Variants in CADM2 observed in about 807,000 individuals in gnomAD.
The protein encoded by CADM2 is cell adhesion molecule 2.
A neutral mutation model predicts 49.8 loss-of-function variants in CADM2; 12 were observed. That is an observed-to-expected ratio of 0.24 (90% CI 0.15 to 0.39). The LOEUF (loss-of-function observed/expected upper bound fraction) is 0.39, where lower values mean the gene tolerates loss of function less well. Among genes scored for constraint, CADM2 ranks in the 10% least tolerant of loss-of-function variants. CADM2 has a pLI of 1.00. For missense variants in CADM2, 378 were observed against 492.3 expected (o/e 0.77, Z 2.20); for synonymous variants, 214 against 175.4 (o/e 1.22, Z -1.74).
At chr3:85,960,595 T>C (rs1439058465) in intron 7 of CADM2, among the ~76,000 whole-genome samples, 1 of 151,992 alleles carries the variant, frequency 6.6e-6, no homozygotes, top group East Asian at 1.9e-4. Flanking sequence ...AAAATAAATG[T>C]AAATTACCTA....
intron 1 of CADM2, among the ~76,000 whole-genome samples, chr3:85,374,832 A>G (rs777480044): frequency 6.6e-6 from 1 of 152,080 alleles, no homozygotes; most frequent in Non-Finnish European, 1.5e-5. Context: ...CAATGATTCA[A>G]TTGTCTCCCA....
chr3:85,455,463 T>C lies in CADM2; in HGVS notation c.62-271059T>C, dbSNP rs189545747. Among the ~76,000 whole-genome samples, 418 of 152,272 alleles carry C rather than the reference T, an allele frequency of 2.7e-3. 1 individual carries two copies. The Middle Eastern group carries it at 0.041, about 15-fold the overall frequency. On this transcript the variant is annotated intron_variant, in intron 1 of 9. Coordinates refer to ENST00000383699, the MANE Select transcript of CADM2 (RefSeq NM_001167675.2). ...GAAAGTGCTGTCACAGTTTTTCCAG[T>C]AAAGAACATGTAAGTTGATAAGCAG...
chr3:85,499,006 T>C (rs2040012667), intron 1 of CADM2, among the ~76,000 whole-genome samples: 1 of 152,192 alleles, frequency 6.6e-6, no homozygotes, highest in Non-Finnish European at 1.5e-5. Context: ...GTATATTATA[T>C]TCAGGGAGCC....
chr3:85,538,212 A>G (rs1458285395), intron 1 of CADM2, among the ~76,000 whole-genome samples: 4 of 152,118 alleles, frequency 2.6e-5, no homozygotes, highest in African/African-American at 9.7e-5. Flanking sequence ...ATGCCATGAG[A>G]CACAATTCTA....
intron 1 of CADM2, among the ~76,000 whole-genome samples, chr3:85,497,363 A>G (rs1338152960): frequency 6.6e-6 from 1 of 152,056 alleles, no homozygotes; most frequent in Non-Finnish European, 1.5e-5. Flanking sequence ...TCTTTACTTT[A>G]AGCCTATAGG....
intron 2 of CADM2, among the ~76,000 whole-genome samples, chr3:85,787,940 G>A (rs1005215260): frequency 3.3e-5 from 5 of 152,064 alleles, no homozygotes; most frequent in African/African-American, 1.2e-4. Flanking sequence ...TCTAGCTCAG[G>A]ACTTTTGCAT....
intron 1 of CADM2, among the ~76,000 whole-genome samples, chr3:85,534,319 A>AT (rs2061381172): frequency 2.0e-5 from 3 of 152,164 alleles, no homozygotes; most frequent in African/African-American, 7.2e-5. Context: ...TTAAATCAGA[A>AT]TGTAACTTAG....
chr3:85,323,709 A>T (rs892410112), intron 1 of CADM2, among the ~76,000 whole-genome samples: 2 of 152,172 alleles, frequency 1.3e-5, no homozygotes, highest in African/African-American at 4.8e-5. Flanking sequence ...TTTCCAATAC[A>T]TTTCTAGACT....
chr3:85,200,884 C>T (rs2041480546), intron 1 of CADM2, among the ~76,000 whole-genome samples: 2 of 152,046 alleles, frequency 1.3e-5, no homozygotes, highest in Admixed American at 6.6e-5. Context: ...TCCATTTATG[C>T]CTAATTTGAA....
chr3:85,233,942 A>C (rs1341207241), intron 1 of CADM2, among the ~76,000 whole-genome samples: 1 of 152,132 alleles, frequency 6.6e-6, no homozygotes, highest in Non-Finnish European at 1.5e-5. Context: ...CATTCTTATC[A>C]AACCAATATT....
At chr3:85,966,377 T>C (rs749980599) in intron 8 of CADM2, among the ~76,000 whole-genome samples, 1 of 151,724 alleles carries the variant, frequency 6.6e-6, no homozygotes, top group Non-Finnish European at 1.5e-5. Flanking sequence ...TTTTCAAATT[T>C]ATTTTTTCTT....
chr3:85,300,217 T>C (rs970975436), intron 1 of CADM2, among the ~76,000 whole-genome samples: 6 of 152,028 alleles, frequency 3.9e-5, no homozygotes, highest in African/African-American at 1.4e-4. Context: ...GGTTTCCAAA[T>C]CATCTTCTCT....
At chr3:85,295,572 A>C (rs1194909797) in intron 1 of CADM2, among the ~76,000 whole-genome samples, 1 of 152,040 alleles carries the variant, frequency 6.6e-6, no homozygotes, top group Admixed American at 6.5e-5. Context: ...CTGGATTAAG[A>C]AAATGTGGCA....
chr3:85,506,830 C>T (rs2107677238), intron 1 of CADM2, among the ~76,000 whole-genome samples: 1 of 152,164 alleles, frequency 6.6e-6, no homozygotes, highest in Admixed American at 6.5e-5. Context: ...CACTACAATT[C>T]CTCTCTTTTA....
intron 8 of CADM2, 98 bp downstream of exon 8, chr3:85,961,745 T>C (rs1724843787): frequency 1.4e-6 from 1 of 714,594 alleles, no homozygotes; most frequent in African/African-American, 1.8e-5. Flanking sequence ...CAAAATTATA[T>C]GGTTTCTTTT....
chr3:84,969,428 A>G (rs2031251883), intron 1 of CADM2, among the ~76,000 whole-genome samples: 1 of 151,070 alleles, frequency 6.6e-6, no homozygotes, highest in Non-Finnish European at 1.5e-5. Flanking sequence ...TGAGCATTTG[A>G]TTTTGTCTAT....
intron 1 of CADM2, among the ~76,000 whole-genome samples, chr3:85,615,704 G>T (rs2063785232): frequency 6.6e-6 from 1 of 151,514 alleles, no homozygotes; most frequent in South Asian, 2.1e-4. Flanking sequence ...TATTGCAAAT[G>T]ACATGGATGC....
chr3:85,814,321 A>C (rs1477569050), intron 3 of CADM2, among the ~76,000 whole-genome samples: 1 of 152,018 alleles, frequency 6.6e-6, no homozygotes, highest in African/African-American at 2.4e-5. Flanking sequence ...ATGGGAGTTC[A>C]CTCATGATTT....
intron 1 of CADM2, among the ~76,000 whole-genome samples, chr3:85,633,071 A>T (rs941231455): frequency 2.9e-4 from 44 of 152,180 alleles, no homozygotes; most frequent in Middle Eastern, 3.4e-3. Flanking sequence ...TGTGAAGTCT[A>T]TTGACAACAA....
Sources: gnomAD v4.1 joint callset for allele counts (sites outside exome capture counted in the v4.1 genomes callset) on GRCh38, gnomAD v4.1.1 for gene constraint, MANE v1.5 for transcripts, NCBI Gene and HGNC (gene_info 2026-07-23, HGNC 2026-07-21) for gene names.